The following ST6GALNAC3 variants were observed in gnomAD, a reference collection of about 807,000 sequenced individuals.
ST6GALNAC3 encodes the protein ST6 N-acetylgalactosaminide alpha-2,6-sialyltransferase 3.
A neutral mutation model predicts 32.7 loss-of-function variants in ST6GALNAC3; 25 were observed. The observed-to-expected ratio is 0.76, with a 90% CI of 0.56 to 1.07. ST6GALNAC3 has a LOEUF of 1.07. Among genes scored for constraint, ST6GALNAC3 ranks in the 50% least tolerant of loss-of-function variants. The probability of loss-of-function intolerance (pLI) is 0.00; values close to 1 mark genes in which losing one functional copy is unlikely to be tolerated. For missense variants in ST6GALNAC3, 355 were observed against 382.4 expected, an observed-to-expected ratio of 0.93 and a Z score of 0.60; for synonymous variants, 129 against 133.1, an observed-to-expected ratio of 0.97 and a Z score of 0.21.
At chr1:76,160,380 A>G (rs1410838744) in intron 1 of ST6GALNAC3, among the ~76,000 whole-genome samples, 2 of 152,174 alleles carry the variant, frequency 1.3e-5, no homozygotes, top group Non-Finnish European at 2.9e-5. Flanking sequence ...CATGTGTCAG[A>G]ATCATTTGAA....
intron 1 of ST6GALNAC3, among the ~76,000 whole-genome samples, chr1:76,248,047 T>C (rs1657406172): frequency 6.6e-6 from 1 of 152,046 alleles, no homozygotes; most frequent in Non-Finnish European, 1.5e-5. Context: ...TCATGGCTTC[T>C]CTTGGCTGGG....
intron 3 of ST6GALNAC3, among the ~76,000 whole-genome samples, chr1:76,487,536 C>T (rs1333725478): frequency 2.0e-5 from 3 of 152,170 alleles, no homozygotes; most frequent in Non-Finnish European, 4.4e-5. Flanking sequence ...GAAGCTTGTG[C>T]ATTCATCGCG....
intron 2 of ST6GALNAC3, among the ~76,000 whole-genome samples, chr1:76,329,022 C>T (rs1647135652): frequency 6.6e-6 from 1 of 152,106 alleles, no homozygotes; most frequent in African/African-American, 2.4e-5. Context: ...TTCTCCTTTT[C>T]ATGAAATAAC....
chr1:76,374,038 G>A (rs1219119769), intron 2 of ST6GALNAC3, among the ~76,000 whole-genome samples: 1 of 152,084 alleles, frequency 6.6e-6, no homozygotes, highest in Non-Finnish European at 1.5e-5. Context: ...GGTTTATGCA[G>A]CCTATACTTT....
In ST6GALNAC3 at chr1:76,540,981, T is replaced by C. The variant is rs190712935; in HGVS notation, c.624-86471T>C. 5.9e-5 allele frequency among the ~76,000 whole-genome samples: 9 copies of C among 152,178 alleles called. No homozygotes were observed. The East Asian group carries it at 1.5e-3, about 26-fold the overall frequency. The stretch of plus-strand genomic sequence containing the variant: ...ATACATGCCAAGGTGCTTGGGAGCA[T>C]AGAAAGGGACCCCTAAGTAAGTTTT... On this transcript the variant is annotated intron_variant, in intron 3 of 4. Coordinates refer to ENST00000328299, the MANE Select transcript of ST6GALNAC3 (RefSeq NM_152996.4).
chr1:76,406,184 A>G (rs961954859), intron 2 of ST6GALNAC3, among the ~76,000 whole-genome samples: 16 of 152,120 alleles, frequency 1.1e-4, no homozygotes, highest in African/African-American at 3.9e-4. Context: ...TTCATGAGTT[A>G]GAGACCTCTT....
At chr1:76,181,911 C>T (rs1410779318) in intron 1 of ST6GALNAC3, among the ~76,000 whole-genome samples, 1 of 152,098 alleles carries the variant, frequency 6.6e-6, no homozygotes, top group Non-Finnish European at 1.5e-5. Flanking sequence ...GGCAGATTTG[C>T]ATGATTATTT....
intron 2 of ST6GALNAC3, among the ~76,000 whole-genome samples, chr1:76,394,818 G>T (rs1477298928): frequency 6.6e-6 from 1 of 152,124 alleles, no homozygotes; most frequent in East Asian, 1.9e-4. Flanking sequence ...AGGAGCCCTG[G>T]TGTGAGGCAG....
chr1:76,324,781 TTATAC>T (rs1647035179), intron 2 of ST6GALNAC3, among the ~76,000 whole-genome samples: 1 of 152,184 alleles, frequency 6.6e-6, no homozygotes, highest in Non-Finnish European at 1.5e-5. Context: ...AACAAATGTA[TTATAC>T]TATACGAGAT....
chr1:76,584,464 GT>G lies in ST6GALNAC3; in HGVS notation c.624-42982del, dbSNP rs1356646433. Among the ~76,000 whole-genome samples, 6 of 152,296 alleles carry G rather than the reference GT, an allele frequency of 3.9e-5. No individual in the cohort carries two copies. The East Asian group carries it at 1.2e-3, about 29-fold the overall frequency. ...GTCAATCTTAATGTGTACAGAAAAT[GT>G]TTTTTAAAGCCATGATTTCATAATT... On this transcript the variant is annotated intron_variant, in intron 3 of 4. Coordinates refer to ENST00000328299, the MANE Select transcript of ST6GALNAC3 (RefSeq NM_152996.4).
intron 2 of ST6GALNAC3, among the ~76,000 whole-genome samples, chr1:76,389,056 G>C (rs571060415): frequency 8.0e-6 from 1 of 124,432 alleles, no homozygotes; most frequent in Non-Finnish European, 1.6e-5. Flanking sequence ...AGTAACCTAG[G>C]CTGGGGTGCA....
At chr1:76,135,472 A>G (rs756719706) in intron 1 of ST6GALNAC3, among the ~76,000 whole-genome samples, 7 of 152,230 alleles carry the variant, frequency 4.6e-5, no homozygotes, top group Non-Finnish European at 7.3e-5. Context: ...AGTGAGGTGG[A>G]CATTATTATC....
intron 2 of ST6GALNAC3, among the ~76,000 whole-genome samples, chr1:76,352,078 C>T (rs1434660539): frequency 2.0e-5 from 3 of 152,076 alleles, no homozygotes; most frequent in African/African-American, 7.2e-5. Flanking sequence ...TTGTCTTAAC[C>T]AGGCTCCTTA....
At chr1:76,422,728 G>A (rs576363350) in intron 3 of ST6GALNAC3, among the ~76,000 whole-genome samples, 18 of 152,036 alleles carry the variant, frequency 1.2e-4, no homozygotes, top group African/African-American at 4.3e-4. Context: ...AAGAACTACC[G>A]TGATAAAGAA....
chr1:76,206,104 C>A (rs188894370), intron 1 of ST6GALNAC3, among the ~76,000 whole-genome samples: 1 of 152,208 alleles, frequency 6.6e-6, no homozygotes, highest in African/African-American at 2.4e-5. Flanking sequence ...CAAGAAGCTT[C>A]TATTTCAAGA....
chr1:76,287,101 T>G (rs1659826824), intron 1 of ST6GALNAC3, among the ~76,000 whole-genome samples: 1 of 152,240 alleles, frequency 6.6e-6, no homozygotes, highest in Admixed American at 6.5e-5. Flanking sequence ...TAGAACTAGC[T>G]CAGCCTTCCC....
At chr1:76,215,790 A>G (rs1655423727) in intron 1 of ST6GALNAC3, among the ~76,000 whole-genome samples, 1 of 152,152 alleles carries the variant, frequency 6.6e-6, no homozygotes, top group African/African-American at 2.4e-5. Flanking sequence ...TATTTTAGGA[A>G]GCTGGGTTCA....
chr1:76,131,321 T>C (rs1474675697), intron 1 of ST6GALNAC3, among the ~76,000 whole-genome samples: 1 of 152,158 alleles, frequency 6.6e-6, no homozygotes, highest in Non-Finnish European at 1.5e-5. Flanking sequence ...GAAGATGCCA[T>C]CTATTAAACC....
intron 3 of ST6GALNAC3, 68 bp from the exon 4 acceptor site, chr1:76,627,384 C>A (rs1198885887): frequency 8.8e-6 from 9 of 1,025,780 alleles, no homozygotes; most frequent in South Asian, 1.4e-5. Flanking sequence ...TTCTCACACA[C>A]CTTATTGTTC....
Sources: gnomAD v4.1 joint callset for allele counts (sites outside exome capture counted in the v4.1 genomes callset) on GRCh38, gnomAD v4.1.1 for gene constraint, MANE v1.5 for transcripts, NCBI Gene and HGNC (gene_info 2026-07-23, HGNC 2026-07-21) for gene names.